The following NRG2 variants were observed in gnomAD, a reference collection of about 807,000 sequenced individuals.
The protein encoded by NRG2 is neuregulin 2.
In NRG2, 27 loss-of-function variants were observed where a neutral mutation model predicts 73.9. That is an observed-to-expected ratio of 0.37 (90% CI 0.27 to 0.50). The LOEUF is 0.50. Among genes scored for constraint, NRG2 ranks in the 20% least tolerant of loss-of-function variants. The probability of loss-of-function intolerance (pLI) is 0.96; values close to 1 mark genes in which losing one functional copy is unlikely to be tolerated. For synonymous variants in NRG2, 532 were observed against 541.0 expected (o/e 0.98, Z 0.23); for missense variants, 1,126 against 1,210.1 (o/e 0.93, Z 1.03).
At chr5:139,965,310 G>A (rs571659649) in intron 1 of NRG2, among the ~76,000 whole-genome samples, 1 of 152,308 alleles carries the variant, frequency 6.6e-6, no homozygotes, top group African/African-American at 2.4e-5. Context: ...GGGACACCCC[G>A]ACTCTCTCAA....
chr5:139,960,102 G>A lies in NRG2; in HGVS notation c.701-72591C>T, dbSNP rs141842999. Among the ~76,000 whole-genome samples the A allele has an allele frequency of 8.4e-3, 1,285 of 152,324 alleles. 18 individuals are homozygous for A. Among genetic ancestry groups the A allele is most frequent in the Non-Finnish European group, 0.013 (911 of 68,028 alleles). ...TTCCACACATCAATTGCCACTAAAT[G>A]AGGAAGAAAGGGAAGACTGGAGCCT... On this transcript the variant is annotated intron_variant, in intron 1 of 9. Transcript: ENST00000361474.
intron 1 of NRG2, among the ~76,000 whole-genome samples, chr5:140,024,161 C>G (rs1433291956): frequency 6.6e-6 from 1 of 152,092 alleles, no homozygotes; most frequent in African/African-American, 2.4e-5. Flanking sequence ...ACGAGGTTAC[C>G]CTATCCTCAC....
chr5:139,957,352 T>TGTGTGC (rs1305703788), intron 1 of NRG2, among the ~76,000 whole-genome samples: 1 of 143,992 alleles, frequency 6.9e-6, no homozygotes, highest in Non-Finnish European at 1.5e-5. Context: ...TGTGTGTGTG[T>TGTGTGC]GCACATTCAT....
intron 4 of NRG2, among the ~76,000 whole-genome samples, chr5:139,867,264 G>C (rs1762522659): frequency 6.6e-6 from 1 of 152,156 alleles, no homozygotes; most frequent in African/African-American, 2.4e-5. Context: ...GGGCCTTGAT[G>C]GCATCTCCCC....
intron 1 of NRG2, among the ~76,000 whole-genome samples, chr5:139,957,349 G>GTA (rs1754713878): frequency 7.8e-6 from 1 of 128,298 alleles, no homozygotes; most frequent in Non-Finnish European, 1.7e-5. Context: ...GTGTGTGTGT[G>GTA]TGTGCACATT....
Position 139,847,751 on chromosome 5 carries a change from G to A in NRG2, c.*166C>T. The A allele has an allele frequency of 2.1e-6, 1 of 486,844 alleles. No individual in the cohort carries two copies. The highest frequency in any genetic ancestry group is 3.3e-6 in the Non-Finnish European group (1 of 307,104). The allele number at this position is 486,844 out of a possible 1,614,324, so 30.2% of individuals were successfully genotyped here. On this transcript the variant is annotated 3_prime_UTR_variant, in exon 10 of 10. Coordinates refer to ENST00000361474, the MANE Select transcript of NRG2 (RefSeq NM_004883.3). ...CCTTTGCCGTTAGCTAGTATTATAA[G>A]ACAATTTTTGCTAAAATGAAAATAA...
chr5:139,881,117 A>G, intron 2 of NRG2, 143 bp from the exon 3 acceptor site: 1 of 665,292 alleles, frequency 1.5e-6, no homozygotes, highest in Non-Finnish European at 2.7e-6. Context: ...TCCCCCCAGC[A>G]ATTTCTGGAG....
intron 9 of NRG2, among the ~76,000 whole-genome samples, chr5:139,850,271 CT>C (rs1554098736): frequency 6.6e-6 from 1 of 152,212 alleles, no homozygotes; most frequent in Non-Finnish European, 1.5e-5. Context: ...TTTGTTCTCC[CT>C]GTTCTACAGC....
chr5:139,904,156 G>T lies in NRG2; in HGVS notation c.701-16645C>A, dbSNP rs1015140573. 5.7e-6 allele frequency: 4 copies of T among 704,976 alleles called. No individual in the cohort carries two copies. The highest frequency in any genetic ancestry group is 1.9e-5 in the African/African-American group (1 of 53,116). 43.7% of individuals were successfully genotyped at this position (704,976 alleles called of 1,614,324 possible). On this transcript the variant is annotated intron_variant, in intron 1 of 9. Coordinates refer to ENST00000361474, the MANE Select transcript of NRG2 (RefSeq NM_004883.3). This position sits in a 1 kb window ranked among gnomAD's most constrained non-coding sequence, Gnocchi z 6.0. ...CTTGCTCTCCCGGCCGCGACGACCCGCTCGCACGCAGGCACGCGCGCCCTC... is the reference window on the plus strand; with the variant it reads ...CTTGCTCTCCCGGCCGCGACGACCCTCTCGCACGCAGGCACGCGCGCCCTC...
intron 5 of NRG2, among the ~76,000 whole-genome samples, chr5:139,862,769 T>C (rs1420508904): frequency 2.0e-5 from 3 of 152,274 alleles, no homozygotes; most frequent in African/African-American, 7.2e-5. Flanking sequence ...TATGAGCCCA[T>C]GCTCATGCGT....
chr5:139,874,421 A>G (rs1763048788), intron 3 of NRG2, among the ~76,000 whole-genome samples: 1 of 152,184 alleles, frequency 6.6e-6, no homozygotes, highest in Non-Finnish European at 1.5e-5. Context: ...GGCACAAACC[A>G]AAGTCCTAGA....
intron 4 of NRG2, among the ~76,000 whole-genome samples, chr5:139,867,762 CTGTGTGTGTG>C (rs367771225): frequency 2.8e-4 from 36 of 128,870 alleles, no homozygotes; most frequent in African/African-American, 5.6e-4. Flanking sequence ...GAAGGGAAAC[CTGTGTGTGTG>C]TGTGTGTGTG....
chr5:139,889,651 C>G (rs535039875), intron 1 of NRG2, among the ~76,000 whole-genome samples: 4 of 152,200 alleles, frequency 2.6e-5, no homozygotes, highest in Non-Finnish European at 4.4e-5. Context: ...CCCCCTCCCC[C>G]TTCCCATTAC....
intron 1 of NRG2, among the ~76,000 whole-genome samples, chr5:139,951,034 A>G (rs72796716): frequency 7.5e-4 from 114 of 152,328 alleles, no homozygotes; most frequent in Non-Finnish European, 1.5e-3. Flanking sequence ...AACTGGCTCC[A>G]AGTGTTGTCA....
At chr5:140,030,693 AAATTAG>A (rs1761070155) in intron 1 of NRG2, among the ~76,000 whole-genome samples, 1 of 152,194 alleles carries the variant, frequency 6.6e-6, no homozygotes, top group Non-Finnish European at 1.5e-5. Flanking sequence ...TTCAACTTAC[AAATTAG>A]ATTCTTTCCA....
Position 139,904,387 on chromosome 5 carries a change from G to T in NRG2, c.701-16876C>A, listed in dbSNP as rs752461444. The stretch of plus-strand genomic sequence containing the variant: ...GCCGCGGCCGCGGCCCCTCCTCCTG[G>T]ACTCCGACATTCTGCACGGGGTCCC... On this transcript the variant is annotated intron_variant, in intron 1 of 9. Transcript: ENST00000361474. This position sits in a 1 kb window ranked among gnomAD's most constrained non-coding sequence, Gnocchi z 6.0. The T allele has an allele frequency of 3.2e-6, 5 of 1,567,088 alleles. No individual in the cohort carries two copies. Among genetic ancestry groups the T allele is most frequent in the East Asian group, 2.3e-5 (1 of 43,208 alleles).
At position 139,852,885 on chromosome 5, in the gene NRG2, C is replaced by G; in HGVS notation, c.1416+19G>C. ...TGTCCACTGAGGGCTCAGAAGGGGG[C>G]CCCAGGAAAGCCACTCACATCTGCC... On this transcript the variant is annotated intron_variant, in intron 7 of 9. Transcript: ENST00000361474. This position sits in a 1 kb window ranked among gnomAD's most constrained non-coding sequence, Gnocchi z 4.4. 1 of 1,613,016 alleles carries G rather than the reference C, an allele frequency of 6.2e-7. No homozygotes were observed. The highest frequency in any genetic ancestry group is 1.1e-5 in the South Asian group (1 of 90,940).
intron 1 of NRG2, among the ~76,000 whole-genome samples, chr5:139,938,622 C>A (rs2126408893): frequency 6.6e-6 from 1 of 151,982 alleles, no homozygotes; most frequent in East Asian, 1.9e-4. Context: ...ACCTTGGCTG[C>A]CCAGAATTAC....
At chr5:140,034,331 C>CTT (rs34065380) in intron 1 of NRG2, among the ~76,000 whole-genome samples, 10 of 144,928 alleles carry the variant, frequency 6.9e-5, no homozygotes, top group Non-Finnish European at 1.1e-4. Flanking sequence ...TTTGGGTCGA[C>CTT]TTTTTTTTTT....
Sources: gnomAD v4.1 joint callset for allele counts (sites outside exome capture counted in the v4.1 genomes callset) on GRCh38, gnomAD v4.1.1 for gene constraint, Gnocchi (gnomAD v3.1) non-coding constraint, MANE v1.5 for transcripts, NCBI Gene and HGNC (gene_info 2026-07-23, HGNC 2026-07-21) for gene names.